Variants in TTLL8 observed in about 807,000 individuals in gnomAD.
The protein encoded by TTLL8 is protein monoglycylase TTLL8.
Under a neutral mutation model 77.8 loss-of-function variants are expected in TTLL8, and 65 were observed. The observed-to-expected ratio is 0.84, with a 90% CI of 0.68 to 1.03. The LOEUF is 1.03. Among genes scored for constraint, TTLL8 ranks in the 50% least tolerant of loss-of-function variants. The pLI is 0.00. For missense variants in TTLL8, 910 were observed against 1,004.5 expected, an observed-to-expected ratio of 0.91 and a Z score of 1.27; for synonymous variants, 402 against 422.8, an observed-to-expected ratio of 0.95 and a Z score of 0.60.
At chr22:50,045,993 G>A in intron 4 of TTLL8, 23 bp from the exon 7 acceptor site, 1 of 1,325,266 alleles carries the variant, frequency 7.5e-7, no homozygotes, top group Non-Finnish European at 1.0e-6. Context: ...TGGCGTGTTA[G>A]GCAGGAGGGG....
intron 12 of TTLL8, among the ~76,000 whole-genome samples, chr22:50,029,272 G>A (rs1291022203): frequency 5.0e-4 from 25 of 49,588 alleles, no homozygotes; most frequent in South Asian, 1.4e-3. Flanking sequence ...ACACCATCCT[G>A]AAGACCCCAC....
chr22:50,044,473 C>T lies in TTLL8; in HGVS notation c.643+782G>A, dbSNP rs2061395587. 6.6e-6 allele frequency among the ~76,000 whole-genome samples: 1 copy of T among 152,214 alleles called. No individual in the cohort carries two copies. The highest frequency in any genetic ancestry group is 1.5e-5 in the Non-Finnish European group (1 of 68,040). ...CAGCTGGGAACAAGTTCTCACTCAG[C>T]ACAAATGAAGCCACCGCTCCAGCGT... On this transcript the variant is annotated intron_variant, in intron 6 of 13. Transcript: ENST00000266182. The surrounding 1 kb of genome is among the most constrained non-coding windows in gnomAD (Gnocchi z 4.2).
upstream of TTLL8, chr22:50,054,664 G>A (rs372605141): frequency 2.7e-5 from 5 of 188,510 alleles, no homozygotes; most frequent in South Asian, 2.3e-4. Context: ...AGATAAAGCC[G>A]GGACAAGCAC....
At chr22:50,040,694 A>G (rs2061365090) in intron 8 of TTLL8, among the ~76,000 whole-genome samples, 1 of 152,206 alleles carries the variant, frequency 6.6e-6, no homozygotes, top group Admixed American at 6.5e-5. Flanking sequence ...GAAAAGAAAA[A>G]TATTTGATTA....
chr22:50,057,268 A>G (rs2061476913), upstream of TTLL8, among the ~76,000 whole-genome samples: 2 of 110,714 alleles, frequency 1.8e-5, no homozygotes, highest in South Asian at 3.4e-4. Flanking sequence ...GGTTGGGGTC[A>G]GGTCTGGGCT....
chr22:50,033,282 C>T lies in TTLL8; in HGVS notation c.1203G>A (p.Trp401Ter). The T allele has an allele frequency of 1.5e-6, 2 of 1,362,760 alleles. No individual in the cohort carries two copies. The highest frequency in any genetic ancestry group is 2.3e-5 in the South Asian group (2 of 87,180). 84.4% of individuals were successfully genotyped at this position (1,362,760 alleles called of 1,614,324 possible). The change falls in exon 10 of 14, where the codon TGG becomes TGA. Residue 401 changes from tryptophan to a stop codon, truncating the protein, a stop_gained. Transcript: ENST00000266182. LOFTEE classifies it high-confidence loss of function. The stretch of plus-strand genomic sequence containing the variant: ...TGTAGAACCAGATGGTCAGGGGGTT[C>T]CAGTCCGTGACGAGGAACCACTGTC...
At chr22:50,031,484 C>T (rs984752138) in intron 11 of TTLL8, 52 of 941,800 alleles carry the variant, frequency 5.5e-5, no homozygotes, top group Non-Finnish European at 6.5e-5. Context: ...TCCTCGGTGC[C>T]GACGAGGCAC....
At chr22:50,026,283 G>A (rs964949913) in intron 12 of TTLL8, among the ~76,000 whole-genome samples, 4 of 151,812 alleles carry the variant, frequency 2.6e-5, no homozygotes, top group South Asian at 4.2e-4. Context: ...CTGCACAGCC[G>A]CCACCCTGCA....
chr22:50,051,797 G>C (rs1409234021), intron 1 of TTLL8, among the ~76,000 whole-genome samples: 1 of 152,166 alleles, frequency 6.6e-6, no homozygotes, highest in East Asian at 1.9e-4. Flanking sequence ...GTGATGCTGA[G>C]CGCTTTTTCA....
chr22:50,023,451 G>A (rs966833165), intron 12 of TTLL8, among the ~76,000 whole-genome samples: 4 of 152,150 alleles, frequency 2.6e-5, no homozygotes, highest in Admixed American at 2.6e-4. Flanking sequence ...TTGGGAGGCC[G>A]AGGCGGGTGG....
exon 4 of TTLL8, chr22:50,047,205 A>G: frequency 7.3e-7 from 1 of 1,367,580 alleles, no homozygotes. Context: ...GTAGTGGTTC[A>G]GCATCTGGTC....
At chr22:50,030,408 C>T (rs1230141916) in intron 12 of TTLL8, 22 bp downstream of exon 13, 8 of 1,299,904 alleles carry the variant, frequency 6.2e-6, no homozygotes, top group South Asian at 1.3e-5. Flanking sequence ...GCCCACAGCG[C>T]ACCGCCGGCG....
In TTLL8 at chr22:50,047,365, G is replaced by A. The variant is rs554014095; in HGVS notation, c.265-69C>T. ...CACACCAGCCAGGATGGGATGGAGT[G>A]AGGCAACCATCAGAGGACAAATGGC... On this transcript the variant is annotated intron_variant, in intron 3 of 13. Coordinates refer to ENST00000266182, the Ensembl canonical transcript of TTLL8. 1.3e-4 allele frequency: 168 copies of A among 1,263,226 alleles called. 2 individuals are homozygous for A. In the East Asian group the frequency reaches 4.2e-3, roughly 32 times the overall value. 78.3% of individuals were successfully genotyped at this position (1,263,226 alleles called of 1,614,324 possible). A position where few individuals can be genotyped will look rare whatever the true frequency, so the allele number is the denominator to read the frequency against.
Position 50,041,804 on chromosome 22 carries a change from G to C in TTLL8, c.647C>G (p.Ala216Gly). 6.6e-6 allele frequency: 9 copies of C among 1,360,580 alleles called. No individual in the cohort carries two copies. Among genetic ancestry groups the C allele is most frequent in the Non-Finnish European group, 7.8e-6 (8 of 1,019,522 alleles). 84.3% of individuals were successfully genotyped at this position (1,360,580 alleles called of 1,614,324 possible). The change falls in exon 7 of 14, where the codon GCT becomes GGT. Residue 216 changes from alanine to glycine, a missense_variant. By Grantham distance (60) the Ala-to-Gly change is moderately conservative. Around this residue, in one of 2 missense-constraint regions of TTLL8, gnomAD observed 776 missense variants for 926.1 expected, o/e 0.84. Transcript: ENST00000266182. The surrounding 1 kb of genome is among the most constrained non-coding windows in gnomAD (Gnocchi z 4.3). ...CCTGAGCTTTGCCTCAGCATTTTCA[G>C]CATCTGAAACCCAGACACAGGCACA...
chr22:50,023,555 T>G (rs1045805069), intron 12 of TTLL8, among the ~76,000 whole-genome samples: 2 of 151,724 alleles, frequency 1.3e-5, no homozygotes, highest in Non-Finnish European at 2.9e-5. Context: ...CGTGGTAGTG[T>G]GCGCCTGTCA....
intron 4 of TTLL8, 171 bp downstream of exon 6, chr22:50,046,997 G>A (rs560732119): frequency 1.3e-6 from 1 of 778,846 alleles, no homozygotes; most frequent in Non-Finnish European, 1.6e-6. Context: ...GGTGCTGGGG[G>A]TGGGGTGGGC....
At chr22:50,029,537 G>A (rs1283156932) in intron 12 of TTLL8, among the ~76,000 whole-genome samples, 1 of 151,858 alleles carries the variant, frequency 6.6e-6, no homozygotes, top group African/African-American at 2.4e-5. Context: ...TCAGGAGGTG[G>A]AGACCATCCT....
At position 50,031,821 on chromosome 22, in the gene TTLL8, C is replaced by T. The variant is rs1449508024; in HGVS notation, c.1572G>A (p.Glu524=). The change falls in exon 11 of 14, where the codon GAG becomes GAA. Residue 524 remains glutamate, a synonymous_variant. Transcript: ENST00000266182. ...GGTGCATGGTGGGGCTGGAATTGAT[C>T]TCGATCAGCCAGGGCCTGAAGTCCC... 4 of 1,367,008 alleles carry T rather than the reference C, an allele frequency of 2.9e-6. No homozygotes were observed. In the Admixed American group the frequency reaches 5.7e-5, roughly 20 times the overall value. 84.7% of individuals were successfully genotyped at this position (1,367,008 alleles called of 1,614,324 possible).
At chr22:50,053,338 C>T (rs1208056241) in intron 1 of TTLL8, among the ~76,000 whole-genome samples, 1 of 152,004 alleles carries the variant, frequency 6.6e-6, no homozygotes, top group Non-Finnish European at 1.5e-5. Flanking sequence ...AGCACATTCT[C>T]GACCACAATG....
Sources: gnomAD v4.1 joint callset for allele counts (sites outside exome capture counted in the v4.1 genomes callset) on GRCh38, gnomAD v4.1.1 for gene constraint, gnomAD v4.1.1 regional missense constraint, Gnocchi (gnomAD v3.1) non-coding constraint, MANE v1.5 for transcripts, NCBI Gene and HGNC (gene_info 2026-07-23, HGNC 2026-07-21) for gene names.